UTRN: variants seen among roughly 807,000 people sequenced by gnomAD.
UTRN encodes dystrophin-related protein 1.
Under a neutral mutation model 463.9 loss-of-function variants are expected in UTRN, and 283 were observed. The observed-to-expected ratio is 0.61, with a 90% CI of 0.55 to 0.67. UTRN has a LOEUF of 0.67. UTRN is among the 30% of genes least tolerant of loss of function. UTRN has a pLI of 0.00. For missense variants in UTRN, 3,922 were observed against 4,084.3 expected (o/e 0.96, Z 1.08); for synonymous variants, 1,442 against 1,431.5 (o/e 1.01, Z -0.17).
At chr6:144,288,816 G>T (rs1242641769) in intron 1 of UTRN, among the ~76,000 whole-genome samples, 2 of 146,706 alleles carry the variant, frequency 1.4e-5, no homozygotes, top group Non-Finnish European at 3.0e-5. Flanking sequence ...AGGCTGGAGT[G>T]CAGTGGCAGC....
intron 39 of UTRN, among the ~76,000 whole-genome samples, chr6:144,520,547 A>G (rs1364964997): frequency 6.6e-6 from 1 of 152,240 alleles, no homozygotes; most frequent in Admixed American, 6.5e-5. Flanking sequence ...GTTAAAGTCA[A>G]GAAATGTATA....
intron 51 of UTRN, among the ~76,000 whole-genome samples, chr6:144,673,172 C>A (rs2128679838): frequency 6.6e-6 from 1 of 152,150 alleles, no homozygotes; most frequent in Admixed American, 6.5e-5. Flanking sequence ...GACTGTTCTG[C>A]AAATATCTGT....
intron 51 of UTRN, among the ~76,000 whole-genome samples, chr6:144,584,694 G>A (rs982255000): frequency 6.6e-6 from 1 of 151,344 alleles, no homozygotes; most frequent in Non-Finnish European, 1.5e-5. Flanking sequence ...TTTTCCGGAA[G>A]TTTTGGGAGA....
chr6:144,394,540 A>T (rs1782224132), intron 2 of UTRN, among the ~76,000 whole-genome samples: 1 of 152,170 alleles, frequency 6.6e-6, no homozygotes, highest in African/African-American at 2.4e-5. Flanking sequence ...AACCATATCA[A>T]TATGTATTCT....
At chr6:144,416,753 T>C (rs927740073) in intron 3 of UTRN, among the ~76,000 whole-genome samples, 3 of 152,194 alleles carry the variant, frequency 2.0e-5, no homozygotes, top group Non-Finnish European at 2.9e-5. Flanking sequence ...AAGGCTTATA[T>C]ACCCTTCAAG....
chr6:144,768,948 G>GTTTTTTTTTTTTTT (rs35525101), intron 58 of UTRN, among the ~76,000 whole-genome samples: 2 of 126,034 alleles, frequency 1.6e-5, no homozygotes, highest in African/African-American at 6.4e-5. Context: ...TTTGTTTTTT[G>GTTTTTTTTTTTTTT]TTTTGTTTTG....
At chr6:144,292,409 A>G (rs1804323364) in intron 2 of UTRN, among the ~76,000 whole-genome samples, 1 of 152,164 alleles carries the variant, frequency 6.6e-6, no homozygotes, top group Non-Finnish European at 1.5e-5. Flanking sequence ...TAGGTAATCT[A>G]ATAAACCAGA....
At chr6:144,677,048 C>A (rs17074028) in intron 51 of UTRN, among the ~76,000 whole-genome samples, 3,736 of 151,972 alleles carry the variant, frequency 0.025, 135 homozygotes, top group African/African-American at 0.076. Flanking sequence ...GGTACATGAA[C>A]TATAGATTAC....
chr6:144,518,074 C>CAGCT (rs1238287110), intron 39 of UTRN, among the ~76,000 whole-genome samples: 1 of 152,180 alleles, frequency 6.6e-6, no homozygotes, highest in Non-Finnish European at 1.5e-5. Context: ...ATTGCTCTAC[C>CAGCT]AGCTGCTTGT....
At position 144,289,102 on chromosome 6, in the gene UTRN, ACT is replaced by A. The variant is rs1803981253; in HGVS notation, c.-92-2630_-92-2629del. Among the ~76,000 whole-genome samples, 4 of 151,870 alleles carry A rather than the reference ACT, an allele frequency of 2.6e-5. No individual in the cohort carries two copies. In the South Asian group the frequency reaches 8.3e-4, roughly 32 times the overall value. On this transcript the variant is annotated intron_variant, in intron 1 of 74. Transcript: ENST00000367545. ...GGCATGAGCCACCATGCTGGGCCCA[ACT>A]CTCTTTTTGTCATCTCCGCTTATAT...
intron 51 of UTRN, among the ~76,000 whole-genome samples, chr6:144,619,493 C>T (rs1775123565): frequency 6.6e-6 from 1 of 152,126 alleles, no homozygotes; most frequent in Non-Finnish European, 1.5e-5. Context: ...ATGGGAGAAG[C>T]CCAATTTACC....
chr6:144,742,008 A>G (rs1357777961), intron 54 of UTRN, among the ~76,000 whole-genome samples: 1 of 151,844 alleles, frequency 6.6e-6, no homozygotes, highest in Non-Finnish European at 1.5e-5. Context: ...TGCATTTACT[A>G]TTTGTGGAAG....
chr6:144,728,337 T>C (rs1249134696), intron 53 of UTRN, among the ~76,000 whole-genome samples: 1 of 152,090 alleles, frequency 6.6e-6, no homozygotes, highest in Non-Finnish European at 1.5e-5. Context: ...TCTAACAACA[T>C]AATAATCTAA....
At chr6:144,608,659 C>T (rs1202873980) in intron 51 of UTRN, among the ~76,000 whole-genome samples, 2 of 152,096 alleles carry the variant, frequency 1.3e-5, no homozygotes. Flanking sequence ...GAGGATATTC[C>T]ATTTCCTCGC....
At chr6:144,639,240 T>G (rs1777519913) in intron 51 of UTRN, among the ~76,000 whole-genome samples, 1 of 152,230 alleles carries the variant, frequency 6.6e-6, no homozygotes, top group Non-Finnish European at 1.5e-5. Flanking sequence ...AATACTCTCC[T>G]TCAAGTGTCC....
chr6:144,362,776 C>T (rs374477958), intron 2 of UTRN, among the ~76,000 whole-genome samples: 2 of 152,220 alleles, frequency 1.3e-5, no homozygotes, highest in African/African-American at 2.4e-5. Context: ...TTGATTTCCA[C>T]GCGATGCAAT....
At chr6:144,765,600 G>C (rs902402419) in intron 58 of UTRN, among the ~76,000 whole-genome samples, 1 of 151,976 alleles carries the variant, frequency 6.6e-6, no homozygotes, top group Non-Finnish European at 1.5e-5. Flanking sequence ...TTTTAGAGAT[G>C]GAGTCTTGCT....
At chr6:144,818,408 C>T (rs1779269819) in intron 65 of UTRN, among the ~76,000 whole-genome samples, 1 of 152,132 alleles carries the variant, frequency 6.6e-6, no homozygotes, top group Admixed American at 6.5e-5. Flanking sequence ...TTCTGAGGCA[C>T]ACTGGGTAAG....
At chr6:144,485,332 G>T (rs1792327283) in intron 27 of UTRN, 53 bp from the exon 28 acceptor site, 3 of 1,609,300 alleles carry the variant, frequency 1.9e-6, no homozygotes, top group Non-Finnish European at 2.5e-6. Flanking sequence ...TAGTACTAGA[G>T]ATACGATGTG....
Sources: gnomAD v4.1 joint callset for allele counts (sites outside exome capture counted in the v4.1 genomes callset) on GRCh38, gnomAD v4.1.1 for gene constraint, MANE v1.5 for transcripts, NCBI Gene and HGNC (gene_info 2026-07-23, HGNC 2026-07-21) for gene names.